Variants in CDH13 observed in about 807,000 individuals in gnomAD.
CDH13 encodes the protein cadherin-13.
Under a neutral mutation model 63.8 loss-of-function variants are expected in CDH13, and 24 were observed. The ratio of observed to expected loss-of-function variants is 0.38; its 90% confidence interval spans 0.27 to 0.53. The LOEUF (loss-of-function observed/expected upper bound fraction) is 0.53, where lower values mean the gene tolerates loss of function less well. Ranked by LOEUF, CDH13 falls within the 20% of genes least tolerant of loss-of-function variation. CDH13 has a pLI of 0.85. For synonymous variants in CDH13, 503 were observed against 355.3 expected (o/e 1.42, Z -4.67); for missense variants, 1,049 against 903.1 (o/e 1.16, Z -2.07).
chr16:82,954,495 G>A (rs1905760611), intron 2 of CDH13: 2 of 152,086 alleles, frequency 1.3e-5, no homozygotes, highest in Non-Finnish European at 2.9e-5. Context: ...CTTATCCAGA[G>A]TCACAAAGCG....
In CDH13 at chr16:82,735,356, G is replaced by T. The variant is rs567381944; in HGVS notation, c.45+108219G>T. Among the ~76,000 whole-genome samples the T allele has an allele frequency of 1.1e-4, 17 of 152,322 alleles. No homozygotes were observed. The South Asian group carries it at 3.1e-3, about 28-fold the overall frequency. On this transcript the variant is annotated intron_variant, in intron 1 of 13. Coordinates refer to ENST00000567109, the MANE Select transcript of CDH13 (RefSeq NM_001257.5). ...CTGTCACACCAGACAGGGCAGATAA[G>T]TCCTTGTCACATGGCTGGGTCTGTC... is the stretch of plus-strand genomic sequence containing the variant.
intron 5 of CDH13, among the ~76,000 whole-genome samples, chr16:83,223,991 A>C (rs577458919): frequency 6.6e-6 from 1 of 150,838 alleles, no homozygotes; most frequent in Non-Finnish European, 1.5e-5. Context: ...TTCCCTTCCC[A>C]CTCTTCCCCC....
chr16:83,567,549 C>G (rs1280333924), intron 7 of CDH13, among the ~76,000 whole-genome samples: 1 of 152,198 alleles, frequency 6.6e-6, no homozygotes, highest in South Asian at 2.1e-4. Context: ...TTTTAAAAAG[C>G]AAGAAATTGT....
intron 1 of CDH13, among the ~76,000 whole-genome samples, chr16:82,664,116 G>C (rs932164907): frequency 1.3e-5 from 2 of 152,220 alleles, no homozygotes; most frequent in African/African-American, 4.8e-5. Flanking sequence ...AGTGAGACAA[G>C]GACAGTGAAG....
chr16:82,879,525 A>G (rs894332265), intron 2 of CDH13, among the ~76,000 whole-genome samples: 2 of 143,718 alleles, frequency 1.4e-5, no homozygotes, highest in Admixed American at 1.4e-4. Context: ...ATAGTATATT[A>G]ATATTTAATA....
chr16:83,704,488 A>C (rs1348666038), intron 10 of CDH13, among the ~76,000 whole-genome samples: 1 of 152,146 alleles, frequency 6.6e-6, no homozygotes, highest in Non-Finnish European at 1.5e-5. Flanking sequence ...GAGTGGATTT[A>C]ACCAAATCTG....
chr16:83,785,892 A>T (rs1457159116), intron 13 of CDH13, among the ~76,000 whole-genome samples: 1 of 152,180 alleles, frequency 6.6e-6, no homozygotes, highest in Non-Finnish European at 1.5e-5. Flanking sequence ...GTTTAGGTAC[A>T]GGCTCCTGGA....
chr16:83,690,403 C>T (rs1904735739), intron 10 of CDH13, among the ~76,000 whole-genome samples: 1 of 152,108 alleles, frequency 6.6e-6, no homozygotes, highest in African/African-American at 2.4e-5. Flanking sequence ...GGAGGTGAGC[C>T]ACACAGCTAT....
At chr16:83,342,836 T>C (rs1485994992) in intron 5 of CDH13, among the ~76,000 whole-genome samples, 6 of 139,250 alleles carry the variant, frequency 4.3e-5, no homozygotes, top group Admixed American at 4.3e-4. Context: ...AGTGTTTTTT[T>C]GTTTCTGTTT....
At chr16:83,522,266 A>G (rs2074856258) in intron 7 of CDH13, among the ~76,000 whole-genome samples, 2 of 152,218 alleles carry the variant, frequency 1.3e-5, no homozygotes, top group Non-Finnish European at 2.9e-5. Flanking sequence ...ATTATAATGG[A>G]TCACGTCAAA....
chr16:83,361,954 A>G (rs1463888767), intron 6 of CDH13, among the ~76,000 whole-genome samples: 1 of 152,130 alleles, frequency 6.6e-6, no homozygotes, highest in African/African-American at 2.4e-5. Flanking sequence ...TTCTAATTCT[A>G]TCAAAAATGA....
intron 2 of CDH13, among the ~76,000 whole-genome samples, chr16:82,892,361 A>G (rs2041110215): frequency 6.6e-6 from 1 of 152,194 alleles, no homozygotes; most frequent in African/African-American, 2.4e-5. Flanking sequence ...TTATTCACCA[A>G]CATTGGTTCG....
rs2035874797 is a variant in CDH13, at chr16:83,127,736, C to CAA, written c.483+2236_483+2237insAA. On this transcript the variant is annotated intron_variant, in intron 4 of 13. Transcript: ENST00000567109. ...GGTGAGACTCTGTGTCAAACAAACA[C>CAA]ACAAACAAAAAATCGATCTTTATTG... Among the ~76,000 whole-genome samples, 10 of 152,038 alleles carry CAA rather than the reference C, an allele frequency of 6.6e-5. No homozygotes were observed. The East Asian group carries it at 9.7e-4, about 15-fold the overall frequency.
chr16:83,672,890 C>T (rs1213785865), intron 9 of CDH13, among the ~76,000 whole-genome samples: 12 of 152,176 alleles, frequency 7.9e-5, no homozygotes, highest in Admixed American at 7.9e-4. Flanking sequence ...CAGGACTAGC[C>T]ACGGAGGACA....
rs142440776 is a variant in CDH13, at chr16:83,424,946, A to T, written c.782-61531A>T. On this transcript the variant is annotated intron_variant, in intron 6 of 13. Coordinates refer to ENST00000567109, the MANE Select transcript of CDH13 (RefSeq NM_001257.5). The stretch of plus-strand genomic sequence containing the variant: ...TCGTTAGTGGAACATCCTGATGAAC[A>T]CTTGGTTGCATTTAACCTTTTGCTG... Among the ~76,000 whole-genome samples the T allele has an allele frequency of 1.2e-3, 177 of 152,352 alleles. 2 individuals are homozygous for T. The highest frequency in any genetic ancestry group is 4.0e-3 in the African/African-American group (165 of 41,594).
At chr16:83,081,721 A>G (rs11648153) in intron 3 of CDH13, among the ~76,000 whole-genome samples, 78,617 of 151,570 alleles carry the variant, frequency 0.52, 21,125 homozygotes, top group East Asian at 0.84. Context: ...GAGAGAGAGA[A>G]AGAGCTCGCA....
At chr16:82,747,829 T>C (rs1240350758) in intron 1 of CDH13, among the ~76,000 whole-genome samples, 2 of 152,212 alleles carry the variant, frequency 1.3e-5, no homozygotes, top group African/African-American at 4.8e-5. Flanking sequence ...AGAGGCAAAA[T>C]TGTAATTGGC....
intron 6 of CDH13, among the ~76,000 whole-genome samples, chr16:83,370,984 A>T (rs2091356025): frequency 6.6e-6 from 1 of 152,206 alleles, no homozygotes; most frequent in African/African-American, 2.4e-5. Context: ...CCACAATAAG[A>T]TACCATCTCA....
Position 82,866,278 on chromosome 16 carries a change from C to G in CDH13, c.157+7805C>G, listed in dbSNP as rs1458921607. On this transcript the variant is annotated intron_variant, in intron 2 of 13. Transcript: ENST00000567109. Reference sequence around the variant, plus strand: ...TCCAGCCCCTGCCTGTTACACATTTCCAAATTTGCTTCCTCATTTTTGGGT... The same window carrying G: ...TCCAGCCCCTGCCTGTTACACATTTGCAAATTTGCTTCCTCATTTTTGGGT... Among the ~76,000 whole-genome samples the G allele has an allele frequency of 2.0e-5, 3 of 151,892 alleles. 1 individual carries two copies. The highest frequency in any genetic ancestry group is 3.9e-4 in the East Asian group (2 of 5,158).
Sources: gnomAD v4.1 joint callset for allele counts (sites outside exome capture counted in the v4.1 genomes callset) on GRCh38, gnomAD v4.1.1 for gene constraint, MANE v1.5 for transcripts, NCBI Gene and HGNC (gene_info 2026-07-23, HGNC 2026-07-21) for gene names.